Variants in RORA observed in about 807,000 individuals in gnomAD.
RORA encodes RAR related orphan receptor A, also known as nuclear receptor ROR-alpha.
A neutral mutation model predicts 69.5 loss-of-function variants in RORA; 7 were observed. The observed-to-expected ratio is 0.10, with a 90% CI of 0.06 to 0.19. The LOEUF is 0.19. RORA is among the 10% of genes least tolerant of loss of function. The pLI, the probability that RORA is intolerant of heterozygous loss-of-function variation, is 1.00. For missense variants in RORA, 457 were observed against 663.0 expected (o/e 0.69, Z 3.41); for synonymous variants, 261 against 240.8 (o/e 1.08, Z -0.78).
chr15:60,623,967 C>T (rs1348379962), intron 2 of RORA, among the ~76,000 whole-genome samples: 1 of 147,138 alleles, frequency 6.8e-6, no homozygotes, highest in Non-Finnish European at 1.5e-5. Context: ...CACTAAAATT[C>T]TTGCTCGAAG....
At position 61,128,591 on chromosome 15, in the gene RORA, G is replaced by A. The variant is rs1193450305; in HGVS notation, c.166+100462C>T. Among the ~76,000 whole-genome samples, 3 of 152,184 alleles carry A rather than the reference G, an allele frequency of 2.0e-5. No homozygotes were observed. The highest frequency in any genetic ancestry group is 4.4e-5 in the Non-Finnish European group (3 of 68,034). On this transcript the variant is annotated intron_variant, in intron 1 of 10. Coordinates refer to ENST00000335670, the MANE Select transcript of RORA (RefSeq NM_134261.3). This position sits in a 1 kb window ranked among gnomAD's most constrained non-coding sequence, Gnocchi z 4.5. ...AGAAATCCTGGGGTGTGCAATCGAT[G>A]TTGTCACATATATTCCCATGGTTTT...
chr15:61,144,698 T>C (rs1008891766), intron 1 of RORA, among the ~76,000 whole-genome samples: 6 of 152,218 alleles, frequency 3.9e-5, no homozygotes, highest in African/African-American at 7.2e-5. Context: ...GAGTGGAATA[T>C]GAAACTCTAG....
intron 1 of RORA, among the ~76,000 whole-genome samples, chr15:60,768,740 A>C (rs186265664): frequency 1.5e-3 from 221 of 152,304 alleles, no homozygotes; most frequent in African/African-American, 5.1e-3. Flanking sequence ...CTGGCCTGAT[A>C]AAATGGATTT....
intron 1 of RORA, among the ~76,000 whole-genome samples, chr15:60,946,419 C>G (rs566446196): frequency 1.3e-5 from 2 of 152,224 alleles, no homozygotes; most frequent in African/African-American, 2.4e-5. Context: ...AGGCGCGCGC[C>G]GCCACGCCTG....
chr15:60,597,806 T>A (rs1018016838), intron 2 of RORA, among the ~76,000 whole-genome samples: 3 of 150,612 alleles, frequency 2.0e-5, no homozygotes, highest in Non-Finnish European at 4.4e-5. Context: ...GAGTAGGAAC[T>A]GACTGCAACG....
At chr15:60,645,387 A>G (rs1052889213) in intron 2 of RORA, among the ~76,000 whole-genome samples, 7 of 151,982 alleles carry the variant, frequency 4.6e-5, no homozygotes, top group Non-Finnish European at 4.4e-5. Flanking sequence ...CTCAGCTGCT[A>G]GAAGATTCTA....
In RORA at chr15:61,039,149, T is replaced by G. The variant is rs78334511; in HGVS notation, c.166+189904A>C. On this transcript the variant is annotated intron_variant, in intron 1 of 10. Transcript: ENST00000335670. ...GTTTCTAAGGAGGAACAAAAGATTTTGAAACACTACAGGGCAACCAAATCA... is the reference window on the plus strand; with the variant it reads ...GTTTCTAAGGAGGAACAAAAGATTTGGAAACACTACAGGGCAACCAAATCA... The G allele has an allele frequency of 6.6e-5, 10 of 152,282 alleles. No individual in the cohort carries two copies. The East Asian group carries it at 1.9e-3, about 29-fold the overall frequency. 9.4% of individuals were successfully genotyped at this position (152,282 alleles called of 1,614,324 possible).
chr15:61,101,568 G>A (rs762757311), intron 1 of RORA, among the ~76,000 whole-genome samples: 1 of 151,978 alleles, frequency 6.6e-6, no homozygotes, highest in Non-Finnish European at 1.5e-5. Flanking sequence ...CTCTAAAATC[G>A]AATCTCCCCT....
chr15:60,680,455 T>G (rs903091234), intron 1 of RORA, among the ~76,000 whole-genome samples: 5 of 152,136 alleles, frequency 3.3e-5, no homozygotes, highest in African/African-American at 1.2e-4. Context: ...AATATTTTCA[T>G]GACGATTACA....
chr15:61,136,040 T>C lies in RORA; in HGVS notation c.166+93013A>G, dbSNP rs911400559. On this transcript the variant is annotated intron_variant, in intron 1 of 10. Coordinates refer to ENST00000335670, the MANE Select transcript of RORA (RefSeq NM_134261.3). ...CCAGGTGGTATTTGTTTGAACATCT[T>C]TGTTTATCACTTGTCTTCCTTTTTA... Among the ~76,000 whole-genome samples the C allele has an allele frequency of 2.0e-5, 3 of 152,198 alleles. No individual in the cohort carries two copies. The East Asian group carries it at 5.8e-4, about 29-fold the overall frequency.
chr15:61,100,852 A>G (rs1436818508), intron 1 of RORA, among the ~76,000 whole-genome samples: 1 of 152,176 alleles, frequency 6.6e-6, no homozygotes, highest in Non-Finnish European at 1.5e-5. Flanking sequence ...CGGTATGTTG[A>G]TTCTTACCAG....
chr15:60,844,410 T>C (rs2073238919), intron 1 of RORA, among the ~76,000 whole-genome samples: 1 of 152,230 alleles, frequency 6.6e-6, no homozygotes, highest in African/African-American at 2.4e-5. Flanking sequence ...GGAGTTGTTG[T>C]TGTTGTTGTT....
chr15:60,839,134 G>A (rs1213153745), intron 1 of RORA, among the ~76,000 whole-genome samples: 3 of 151,980 alleles, frequency 2.0e-5, no homozygotes. Flanking sequence ...TCCTGGCCTC[G>A]TGATCCACCT....
At chr15:60,822,851 A>G (rs1398461249) in intron 1 of RORA, among the ~76,000 whole-genome samples, 1 of 152,198 alleles carries the variant, frequency 6.6e-6, no homozygotes, top group Non-Finnish European at 1.5e-5. Context: ...ATTCTAATAT[A>G]TGCTAAGCTA....
chr15:60,768,122 T>C (rs1409548274), intron 1 of RORA, among the ~76,000 whole-genome samples: 1 of 152,218 alleles, frequency 6.6e-6, no homozygotes, highest in African/African-American at 2.4e-5. Context: ...TTTTCATTTG[T>C]TTTCTCATCC....
At chr15:60,937,401 G>C (rs1892557449) in intron 1 of RORA, among the ~76,000 whole-genome samples, 1 of 152,290 alleles carries the variant, frequency 6.6e-6, no homozygotes, top group Admixed American at 6.5e-5. Flanking sequence ...CTTCTAGTTG[G>C]AAAGCCAAGG....
intron 10 of RORA, among the ~76,000 whole-genome samples, chr15:60,498,403 G>C (rs1567035971): frequency 6.6e-6 from 1 of 152,202 alleles, no homozygotes; most frequent in African/African-American, 2.4e-5. Context: ...ACTGGCACTA[G>C]TCAACTCCGA....
At chr15:60,887,663 G>A (rs1173881195) in intron 1 of RORA, among the ~76,000 whole-genome samples, 1 of 152,200 alleles carries the variant, frequency 6.6e-6, no homozygotes, top group African/African-American at 2.4e-5. Context: ...GCAGAATGGA[G>A]GGAAGGGGTT....
chr15:60,666,045 T>C (rs1184937035), intron 2 of RORA, among the ~76,000 whole-genome samples: 1 of 151,836 alleles, frequency 6.6e-6, no homozygotes, highest in Non-Finnish European at 1.5e-5. Context: ...GCAACAAGAG[T>C]GGTCATAAAA....
Sources: allele counts gnomAD v4.1 joint callset (sites outside exome capture counted in the v4.1 genomes callset), GRCh38; gene constraint gnomAD v4.1.1; non-coding constraint Gnocchi (gnomAD v3.1); transcripts MANE v1.5; gene names NCBI Gene and HGNC (gene_info 2026-07-23, HGNC 2026-07-21).